PEPD: variants seen among roughly 807,000 people sequenced by gnomAD.
PEPD encodes the protein peptidase D.
A neutral mutation model predicts 60.7 loss-of-function variants in PEPD; 53 were observed. The ratio of observed to expected loss-of-function variants is 0.87; its 90% CI spans 0.70 to 1.10. The LOEUF is 1.10. PEPD is among the 50% of genes least tolerant of loss of function. The probability of loss-of-function intolerance (pLI) is 0.00; values close to 1 mark genes in which losing one functional copy is unlikely to be tolerated. For missense variants in PEPD, 711 were observed against 711.9 expected, an observed-to-expected ratio of 1.00 and a Z score of 0.01; for synonymous variants, 267 against 284.1, an observed-to-expected ratio of 0.94 and a Z score of 0.60.
chr19:33,411,823 G>A (rs991892027), intron 10 of PEPD, 74 bp from the exon 11 acceptor site: 4 of 888,686 alleles, frequency 4.5e-6, no homozygotes, highest in Middle Eastern at 2.2e-4. Flanking sequence ...GTGGATGCTC[G>A]ATCCCCTGCC....
At chr19:33,410,613 G>A (rs897293494) in intron 11 of PEPD, among the ~76,000 whole-genome samples, 1 of 152,220 alleles carries the variant, frequency 6.6e-6, no homozygotes, top group African/African-American at 2.4e-5. Context: ...GCTCCTCGAT[G>A]GGAAGGCGGA....
At chr19:33,412,549 T>C (rs1197683855) in intron 10 of PEPD, among the ~76,000 whole-genome samples, 3 of 152,166 alleles carry the variant, frequency 2.0e-5, no homozygotes, top group African/African-American at 7.2e-5. Context: ...CTGAGAAGGC[T>C]TCCCTAATGA....
intron 6 of PEPD, 100 bp from the exon 7 acceptor site, chr19:33,478,190 G>T: frequency 1.3e-6 from 1 of 793,908 alleles, no homozygotes; most frequent in Non-Finnish European, 2.2e-6. Flanking sequence ...GCATTAAAGA[G>T]GGTCCCACAC....
chr19:33,416,898 A>T (rs879808287), intron 9 of PEPD, among the ~76,000 whole-genome samples: 1 of 152,178 alleles, frequency 6.6e-6, no homozygotes, highest in Non-Finnish European at 1.5e-5. Flanking sequence ...CAGTGCCAGG[A>T]GATGACAAAT....
At chr19:33,407,879 C>T (rs756729582) in intron 11 of PEPD, among the ~76,000 whole-genome samples, 6 of 152,196 alleles carry the variant, frequency 3.9e-5, no homozygotes, top group Non-Finnish European at 7.3e-5. Context: ...CTCACCCCTG[C>T]GTGCATGCGA....
At chr19:33,512,797 A>C in intron 1 of PEPD, 21 bp from the exon 2 acceptor site, 5 of 1,613,116 alleles carry the variant, frequency 3.1e-6, no homozygotes. Context: ...AAGAGCACAC[A>C]CCGCCACACA....
chr19:33,388,625 G>T, intron 13 of PEPD: 1 of 216,502 alleles, frequency 4.6e-6, no homozygotes, highest in Non-Finnish European at 9.6e-6. Flanking sequence ...ATCAGGGTGG[G>T]TCTGCCAGCC....
chr19:33,394,445 C>G (rs144174684), intron 12 of PEPD, among the ~76,000 whole-genome samples: 1 of 152,388 alleles, frequency 6.6e-6, no homozygotes, highest in Non-Finnish European at 1.5e-5. Flanking sequence ...TGTGCACCCT[C>G]GGGGAAGGCC....
intron 12 of PEPD, among the ~76,000 whole-genome samples, chr19:33,392,826 G>A (rs1007532714): frequency 6.6e-6 from 1 of 152,152 alleles, no homozygotes; most frequent in African/African-American, 2.4e-5. Flanking sequence ...TGATGGGCTC[G>A]GCTGGCGAAC....
chr19:33,488,589 G>A (rs1329221169), intron 6 of PEPD, among the ~76,000 whole-genome samples: 1 of 152,144 alleles, frequency 6.6e-6, no homozygotes, highest in Non-Finnish European at 1.5e-5. Context: ...AACAAGCTGG[G>A]CTAATTGCTG....
intron 9 of PEPD, among the ~76,000 whole-genome samples, chr19:33,422,223 C>A (rs986142478): frequency 1.3e-5 from 2 of 152,120 alleles, no homozygotes; most frequent in African/African-American, 2.4e-5. Flanking sequence ...CTCTCTCCCC[C>A]TTCAGGTCTC....
chr19:33,479,651 TGTAA>T (rs1434379098), intron 6 of PEPD, among the ~76,000 whole-genome samples: 5 of 152,194 alleles, frequency 3.3e-5, no homozygotes, highest in Admixed American at 2.6e-4. Flanking sequence ...AGCTCCCACT[TGTAA>T]GTGAGAACAT....
intron 11 of PEPD, among the ~76,000 whole-genome samples, chr19:33,404,888 G>A (rs1025727898): frequency 2.0e-5 from 3 of 152,150 alleles, no homozygotes; most frequent in South Asian, 2.1e-4. Flanking sequence ...ATCCAGGGAC[G>A]AAAGCCATGG....
At chr19:33,506,326 A>G in intron 3 of PEPD, among the ~76,000 whole-genome samples, 1 of 137,244 alleles carries the variant, frequency 7.3e-6, no homozygotes, top group South Asian at 2.4e-4. Context: ...TACACACTAC[A>G]CACACACCCA....
intron 9 of PEPD, among the ~76,000 whole-genome samples, chr19:33,433,377 C>T (rs1056416692): frequency 2.0e-5 from 3 of 152,238 alleles, no homozygotes; most frequent in African/African-American, 7.2e-5. Flanking sequence ...CACCAAAGCC[C>T]TTGAGACACT....
chr19:33,486,535 C>G (rs926616205), intron 6 of PEPD, among the ~76,000 whole-genome samples: 2 of 152,048 alleles, frequency 1.3e-5, no homozygotes. Flanking sequence ...TCTCTCTGGC[C>G]GTGTGCATGC....
intron 9 of PEPD, among the ~76,000 whole-genome samples, chr19:33,433,505 G>T (rs963811385): frequency 7.2e-5 from 11 of 152,168 alleles, no homozygotes; most frequent in African/African-American, 2.7e-4. Flanking sequence ...CAGTGGCTAT[G>T]AACTGTTAGG....
chr19:33,463,927 T>C, intron 8 of PEPD, 60 bp downstream of exon 8: 1 of 1,150,668 alleles, frequency 8.7e-7, no homozygotes, highest in Non-Finnish European at 1.3e-6. Context: ...CCTCACGCAG[T>C]TCTCTCGCCA....
intron 9 of PEPD, among the ~76,000 whole-genome samples, chr19:33,418,925 G>A (rs533114914): frequency 4.6e-5 from 7 of 152,304 alleles, no homozygotes; most frequent in East Asian, 3.9e-4. Flanking sequence ...TGGTGCTAGC[G>A]GAGAGCTGGT....
Sources: allele counts gnomAD v4.1 joint callset (sites outside exome capture counted in the v4.1 genomes callset), GRCh38; gene constraint gnomAD v4.1.1; transcripts MANE v1.5; gene names NCBI Gene and HGNC (gene_info 2026-07-23, HGNC 2026-07-21).